The following PCDH9 variants were observed in gnomAD, a reference collection of about 807,000 sequenced individuals.
PCDH9 encodes the protein protocadherin 9.
A neutral mutation model predicts 70.6 loss-of-function variants in PCDH9; 24 were observed. The ratio of observed to expected loss-of-function variants is 0.34; its 90% CI spans 0.25 to 0.48. PCDH9 has a LOEUF of 0.48. PCDH9 is among the 20% of genes least tolerant of loss of function. The pLI, the probability that PCDH9 is intolerant of heterozygous loss-of-function variation, is 0.99. For missense variants in PCDH9, 1,281 were observed against 1,503.6 expected (o/e 0.85, Z 2.45); for synonymous variants, 562 against 558.5 (o/e 1.01, Z -0.09).
At chr13:66,383,984 G>A (rs768341998) in intron 4 of PCDH9, among the ~76,000 whole-genome samples, 2 of 152,042 alleles carry the variant, frequency 1.3e-5, no homozygotes, top group Non-Finnish European at 2.9e-5. Context: ...AATCTAAACT[G>A]CATCACTGTA....
chr13:66,539,507 T>G (rs1960853280), intron 4 of PCDH9, among the ~76,000 whole-genome samples: 1 of 152,062 alleles, frequency 6.6e-6, no homozygotes, highest in Non-Finnish European at 1.5e-5. Flanking sequence ...AAGGACATGT[T>G]TACTTCCCCT....
At chr13:66,418,881 G>T (rs557433574) in intron 4 of PCDH9, among the ~76,000 whole-genome samples, 10 of 151,930 alleles carry the variant, frequency 6.6e-5, no homozygotes, top group Non-Finnish European at 1.3e-4. Context: ...GAATCAAATA[G>T]ACATGTAAAA....
chr13:66,706,320 C>A (rs541247003), intron 3 of PCDH9, among the ~76,000 whole-genome samples: 2 of 152,186 alleles, frequency 1.3e-5, no homozygotes, highest in Non-Finnish European at 2.9e-5. Context: ...AAAATTCAGT[C>A]AGCCTGACCT....
At chr13:66,739,112 A>C (rs1021075424) in intron 3 of PCDH9, among the ~76,000 whole-genome samples, 177 of 142,254 alleles carry the variant, frequency 1.2e-3, no homozygotes, top group African/African-American at 4.4e-3. Flanking sequence ...TTACCCTCAA[A>C]GGGAAGCCCA....
intron 3 of PCDH9, among the ~76,000 whole-genome samples, chr13:66,871,487 G>A (rs1220524994): frequency 6.6e-6 from 1 of 151,902 alleles, no homozygotes; most frequent in Non-Finnish European, 1.5e-5. Context: ...TTCACACAGA[G>A]GAGAAATTGA....
At chr13:66,717,655 T>C (rs1240850044) in intron 3 of PCDH9, among the ~76,000 whole-genome samples, 2 of 151,768 alleles carry the variant, frequency 1.3e-5, no homozygotes, top group East Asian at 3.9e-4. Flanking sequence ...ACATTGCCTT[T>C]AGAACAGAGC....
chr13:67,013,264 A>AACAC (rs111347560), intron 2 of PCDH9, among the ~76,000 whole-genome samples: 6,019 of 144,410 alleles, frequency 0.042, 254 homozygotes, highest in African/African-American at 0.11. Context: ...TTTTTAATGT[A>AACAC]ACACACACAC....
At chr13:66,459,011 G>A (rs926239778) in intron 4 of PCDH9, among the ~76,000 whole-genome samples, 1 of 151,956 alleles carries the variant, frequency 6.6e-6, no homozygotes, top group Non-Finnish European at 1.5e-5. Context: ...GTTTTTGGCA[G>A]GGGAGGGGGA....
intron 3 of PCDH9, among the ~76,000 whole-genome samples, chr13:66,679,116 C>T (rs372596186): frequency 7.3e-5 from 11 of 151,588 alleles, no homozygotes; most frequent in East Asian, 3.9e-4. Context: ...TGAGCTTTTT[C>T]GGTATTTTCT....
At chr13:67,155,258 G>T (rs1434614957) in intron 2 of PCDH9, among the ~76,000 whole-genome samples, 3 of 152,078 alleles carry the variant, frequency 2.0e-5, no homozygotes, top group Admixed American at 6.5e-5. Context: ...AATCTTTCAG[G>T]TTTTTCAGAG....
intron 3 of PCDH9, among the ~76,000 whole-genome samples, chr13:66,861,589 A>G (rs543041730): frequency 1.3e-5 from 2 of 152,160 alleles, no homozygotes; most frequent in South Asian, 2.1e-4. Flanking sequence ...AGTTTAATAG[A>G]TTTCATATTT....
At chr13:67,013,919 G>A (rs1434969565) in intron 2 of PCDH9, among the ~76,000 whole-genome samples, 2 of 151,916 alleles carry the variant, frequency 1.3e-5, no homozygotes, top group Non-Finnish European at 2.9e-5. Flanking sequence ...CATCATCTGT[G>A]TCCCATGCTC....
intron 4 of PCDH9, among the ~76,000 whole-genome samples, chr13:66,373,834 C>A (rs1227952042): frequency 6.6e-6 from 1 of 152,152 alleles, no homozygotes; most frequent in Non-Finnish European, 1.5e-5. Context: ...GGCCAGACTT[C>A]CAGTCTTGGC....
chr13:67,125,845 G>A (rs1229305229), intron 2 of PCDH9, among the ~76,000 whole-genome samples: 4 of 151,148 alleles, frequency 2.6e-5, no homozygotes, highest in Admixed American at 6.6e-5. Context: ...ATATATATGT[G>A]TGTGTGTGTG....
At chr13:67,157,329 C>G (rs2087840856) in intron 2 of PCDH9, among the ~76,000 whole-genome samples, 1 of 152,134 alleles carries the variant, frequency 6.6e-6, no homozygotes, top group South Asian at 2.1e-4. Flanking sequence ...AATTTCTTGG[C>G]AACTGGATTT....
chr13:66,817,051 C>T (rs1046774747), intron 3 of PCDH9, among the ~76,000 whole-genome samples: 11 of 149,924 alleles, frequency 7.3e-5, no homozygotes, highest in African/African-American at 2.7e-4. Context: ...ATTTAAAAAG[C>T]AATATAGCAA....
chr13:66,387,055 T>C (rs893801199), intron 4 of PCDH9, among the ~76,000 whole-genome samples: 1 of 152,210 alleles, frequency 6.6e-6, no homozygotes. Flanking sequence ...TTTACTCTTC[T>C]ACACTCTAAG....
At chr13:66,308,541 G>A (rs1955509694) in intron 4 of PCDH9, among the ~76,000 whole-genome samples, 1 of 152,024 alleles carries the variant, frequency 6.6e-6, no homozygotes, top group Non-Finnish European at 1.5e-5. Flanking sequence ...TTTTGTTGGA[G>A]CTCTAAATGG....
intron 3 of PCDH9, among the ~76,000 whole-genome samples, chr13:66,789,319 G>T (rs543704782): frequency 3.8e-4 from 58 of 152,182 alleles, no homozygotes; most frequent in Non-Finnish European, 6.2e-4. Context: ...CTCCCCCGTG[G>T]CTAATAGTTT....
Sources: gnomAD v4.1 joint callset for allele counts (sites outside exome capture counted in the v4.1 genomes callset) on GRCh38, gnomAD v4.1.1 for gene constraint, MANE v1.5 for transcripts, NCBI Gene and HGNC (gene_info 2026-07-23, HGNC 2026-07-21) for gene names.